Variants in FER1L6 observed in about 807,000 individuals in gnomAD.
FER1L6 encodes fer-1-like protein 6.
In FER1L6, 177 loss-of-function variants were observed where a neutral mutation model predicts 219.2. The observed-to-expected ratio is 0.81, with a 90% CI of 0.71 to 0.91. The LOEUF is 0.91. FER1L6 is among the 40% of genes least tolerant of loss of function. The pLI is 0.00. For synonymous variants in FER1L6, 768 were observed against 824.3 expected (o/e 0.93, Z 1.17); for missense variants, 2,153 against 2,259.9 (o/e 0.95, Z 0.96).
At chr8:124,046,166 C>T (rs1363438516) in intron 21 of FER1L6, 3 of 342,460 alleles carry the variant, frequency 8.8e-6, no homozygotes, top group African/African-American at 4.2e-5. Context: ...CGTCAGTCTA[C>T]ACACTTCTTC....
rs1822029525 is a variant in FER1L6 at position 124,091,544 on chromosome 8, G to A, written c.4513G>A (p.Val1505Ile). ...TGGGAAAATACAGATAGGAAACCAAGTCTTTTCTGGAAAAACTATCTTCAC... is the reference window on the plus strand; with the variant it reads ...TGGGAAAATACAGATAGGAAACCAAATCTTTTCTGGAAAAACTATCTTCAC... ...HPGKIQIGNQ[V>I]FSGKTIFTEE... The change falls in exon 34 of 41, where the codon GTC becomes ATC. Residue 1505 changes from valine to isoleucine, a missense_variant. By Grantham distance (29) the Val-to-Ile change is conservative. Coordinates refer to ENST00000522917, the MANE Select transcript of FER1L6 (RefSeq NM_001039112.2). The A allele has an allele frequency of 6.2e-7, 1 of 1,614,036 alleles. No homozygotes were observed. The highest frequency in any genetic ancestry group is 8.5e-7 in the Non-Finnish European group (1 of 1,179,926).
chr8:124,075,154 C>T (rs1482506411), intron 31 of FER1L6, among the ~76,000 whole-genome samples: 1 of 152,186 alleles, frequency 6.6e-6, no homozygotes, highest in East Asian at 1.9e-4. Context: ...CTTACTATAA[C>T]TTTTTTACTT....
At position 124,017,858 on chromosome 8, in the gene FER1L6, A is replaced by C. The variant is rs1393577481; in HGVS notation, c.2013+140A>C. 8 of 599,572 alleles carry C rather than the reference A, an allele frequency of 1.3e-5. No individual in the cohort carries two copies. In the Middle Eastern group the frequency reaches 8.0e-4, roughly 60 times the overall value. The allele number at this position is 599,572 out of a possible 1,614,324, so 37.1% of individuals were successfully genotyped here. A position where few individuals can be genotyped will look rare whatever the true frequency, so the allele number is the denominator to read the frequency against. On this transcript the variant is annotated intron_variant, in intron 16 of 40. Transcript: ENST00000522917. ...GCAGAGACAAGAGTGAAAAGGGACT[A>C]TTTGTTAAGTTGGAAAGAAATGAAC...
chr8:124,060,625 C>T lies in FER1L6; in HGVS notation c.3063C>T (p.Cys1021=), dbSNP rs369624500. Residue 1021 remains cysteine (C), a synonymous_variant, in exon 24 of 41, where the codon TGC becomes TGT. Coordinates refer to ENST00000522917, the MANE Select transcript of FER1L6 (RefSeq NM_001039112.2). Reference sequence around the variant, plus strand: ...ATCGGCCTCAGGCTCTCATTGAGTGCGGAGGACAAGGTGTGAAGTCCTGCG... The same window carrying T: ...ATCGGCCTCAGGCTCTCATTGAGTGTGGAGGACAAGGTGTGAAGTCCTGCG... ...SVDRPQALIE[C]GGQGVKSCVI... 177 of 1,613,914 alleles carry T rather than the reference C, an allele frequency of 1.1e-4. 2 individuals are homozygous for T. In the East Asian group the frequency reaches 2.9e-3, roughly 26 times the overall value.
intron 35 of FER1L6, 47 bp from the exon 36 acceptor site, chr8:124,097,224 C>T: frequency 7.0e-7 from 1 of 1,418,894 alleles, no homozygotes; most frequent in Non-Finnish European, 1.0e-6. Flanking sequence ...ACCCATGTCC[C>T]CTAGCCCCCT....
At chr8:124,042,870 G>C (rs750517866) in intron 20 of FER1L6, among the ~76,000 whole-genome samples, 1 of 152,128 alleles carries the variant, frequency 6.6e-6, no homozygotes, top group Non-Finnish European at 1.5e-5. Flanking sequence ...ACATCACTGG[G>C]GATATGGGAC....
rs116486592 is a variant in FER1L6, at chr8:123,968,687, A to C, written c.385-1348A>C. 1.7e-3 allele frequency among the ~76,000 whole-genome samples: 264 copies of C among 152,268 alleles called. 1 individual carries two copies. The highest frequency in any genetic ancestry group is 4.4e-3 in the African/African-American group (183 of 41,570). On this transcript the variant is annotated intron_variant, in intron 5 of 40. Transcript: ENST00000522917. ...AGAAATTTCCTGAAATGTTGTATGTATTGTCTTGTCTTCTTAAACAGAAGA... is the reference window on the plus strand; with the variant it reads ...AGAAATTTCCTGAAATGTTGTATGTCTTGTCTTGTCTTCTTAAACAGAAGA...
At chr8:124,003,043 CT>C (rs1817487436) in intron 12 of FER1L6, 123 bp from the exon 13 acceptor site, 1 of 736,166 alleles carries the variant, frequency 1.4e-6, no homozygotes, top group Admixed American at 2.3e-5. Flanking sequence ...ATTGCTCTTT[CT>C]ACCTTCATAA....
Position 124,119,907 on chromosome 8 carries a change from C to T in FER1L6, c.*117C>T. The T allele has an allele frequency of 9.4e-7, 1 of 1,063,198 alleles. No homozygotes were observed. Among genetic ancestry groups the T allele is most frequent in the South Asian group, 2.0e-5 (1 of 50,384 alleles). The allele number at this position is 1,063,198 out of a possible 1,614,324, so 65.9% of individuals were successfully genotyped here. On this transcript the variant is annotated 3_prime_UTR_variant, in exon 41 of 41. Coordinates refer to ENST00000522917, the MANE Select transcript of FER1L6 (RefSeq NM_001039112.2). ...GCTGAGTGCTAAGGGGACAGATCAA[C>T]CCTTCTTGGAAGAGATGGAAAAGAA...
intron 25 of FER1L6, among the ~76,000 whole-genome samples, chr8:124,063,334 T>G (rs1361865723): frequency 6.6e-6 from 1 of 152,162 alleles, no homozygotes. Flanking sequence ...AACTTTATAG[T>G]TTATATTTTT....
intron 32 of FER1L6, among the ~76,000 whole-genome samples, chr8:124,079,433 G>A (rs901432443): frequency 2.0e-5 from 3 of 148,504 alleles, no homozygotes; most frequent in Admixed American, 6.8e-5. Context: ...TTCAATTAAA[G>A]TCAACTAATT....
At position 123,977,584 on chromosome 8, in the gene FER1L6, C is replaced by T; in HGVS notation, c.1038C>T (p.Ile346=). 6.2e-7 allele frequency: 1 copy of T among 1,614,098 alleles called. No individual in the cohort carries two copies. Among genetic ancestry groups the T allele is most frequent in the Non-Finnish European group, 8.5e-7 (1 of 1,180,002 alleles). Residue 346 remains isoleucine, a synonymous_variant, in exon 10 of 41, where the codon ATC becomes ATT. Transcript: ENST00000522917. ...LATHFIDLKK[I]SNEQDGDKGF... ...CCCATTTCATTGACCTGAAGAAAAT[C>T]TCCAACGAACAGGATGGAGACAAAG...
chr8:123,991,490 G>GGGTTTTCTT (rs1376172626), intron 12 of FER1L6, among the ~76,000 whole-genome samples: 1 of 151,678 alleles, frequency 6.6e-6, no homozygotes, highest in Non-Finnish European at 1.5e-5. Flanking sequence ...TTGTGTTCTT[G>GGGTTTTCTT]ATTTGATTCT....
At chr8:124,088,945 G>A (rs544372967) in intron 33 of FER1L6, among the ~76,000 whole-genome samples, 2 of 152,108 alleles carry the variant, frequency 1.3e-5, no homozygotes, top group East Asian at 3.9e-4. Flanking sequence ...CCTCTGAACT[G>A]TGCTGCCTGG....
chr8:123,924,534 CAA>C (rs35116182), intron 1 of FER1L6, among the ~76,000 whole-genome samples: 128 of 147,384 alleles, frequency 8.7e-4, no homozygotes, highest in Middle Eastern at 7.0e-3. Flanking sequence ...AACTCCATCT[CAA>C]AAAAAAAAAA....
intron 26 of FER1L6, among the ~76,000 whole-genome samples, chr8:124,065,709 C>T (rs527553385): frequency 2.0e-5 from 3 of 152,162 alleles, no homozygotes; most frequent in African/African-American, 7.2e-5. Flanking sequence ...ATCTCTATAC[C>T]CCCGCACTCG....
intron 39 of FER1L6, among the ~76,000 whole-genome samples, chr8:124,110,888 C>A (rs1170544771): frequency 6.6e-6 from 1 of 152,024 alleles, no homozygotes. Flanking sequence ...TCAGTGCCCC[C>A]CCTCCCCTCC....
At chr8:124,067,700 T>A (rs557590376) in intron 27 of FER1L6, 67 bp from the exon 28 acceptor site, 26 of 1,363,424 alleles carry the variant, frequency 1.9e-5, no homozygotes, top group African/African-American at 1.4e-4. Flanking sequence ...AGGGCTGAGA[T>A]AATTGTTAGC....
chr8:123,935,669 C>T (rs906188248), intron 1 of FER1L6, among the ~76,000 whole-genome samples: 2 of 152,016 alleles, frequency 1.3e-5, no homozygotes, highest in Non-Finnish European at 2.9e-5. Flanking sequence ...TCCTGAACAC[C>T]CGCTCAACAC....
Sources: gnomAD v4.1 joint callset for allele counts (sites outside exome capture counted in the v4.1 genomes callset) on GRCh38, gnomAD v4.1.1 for gene constraint, MANE v1.5 for transcripts, NCBI Gene and HGNC (gene_info 2026-07-23, HGNC 2026-07-21) for gene names.